The following RBFOX3 variants were observed in gnomAD, a reference collection of about 807,000 sequenced individuals.
RBFOX3 encodes RNA binding fox-1 homolog 3.
Under a neutral mutation model 48.7 loss-of-function variants are expected in RBFOX3, and 17 were observed. That is an observed-to-expected ratio of 0.35 (90% CI 0.24 to 0.52). The LOEUF is 0.52. RBFOX3 is among the 20% of genes least tolerant of loss of function. The probability of loss-of-function intolerance (pLI) is 0.94; values close to 1 mark genes in which losing one functional copy is unlikely to be tolerated. For missense variants in RBFOX3, 382 were observed against 497.5 expected (o/e 0.77, Z 2.21); for synonymous variants, 212 against 209.5 (o/e 1.01, Z -0.10).
intron 3 of RBFOX3, among the ~76,000 whole-genome samples, chr17:79,250,898 G>A (rs557591275): frequency 8.1e-5 from 12 of 147,384 alleles, no homozygotes; most frequent in South Asian, 2.2e-4. Flanking sequence ...TCCACCTCCC[G>A]GGTTCTCCCA....
At chr17:79,448,505 T>C (rs577930602) in intron 2 of RBFOX3, among the ~76,000 whole-genome samples, 3 of 152,228 alleles carry the variant, frequency 2.0e-5, no homozygotes, top group Admixed American at 2.0e-4. Context: ...AGGCAGGGAC[T>C]GCAGCAATGC....
At chr17:79,555,587 TGAC>T (rs1291811721) in intron 1 of RBFOX3, among the ~76,000 whole-genome samples, 3 of 151,872 alleles carry the variant, frequency 2.0e-5, no homozygotes, top group Non-Finnish European at 4.4e-5. Flanking sequence ...ATGATGATGA[TGAC>T]AATGATAATG....
intron 1 of RBFOX3, among the ~76,000 whole-genome samples, chr17:79,501,994 C>T (rs2082439236): frequency 6.6e-6 from 1 of 152,164 alleles, no homozygotes; most frequent in Non-Finnish European, 1.5e-5. Flanking sequence ...AGCACCCGGC[C>T]AGGGTGAAGT....
At chr17:79,465,143 C>A (rs1417273735) in intron 2 of RBFOX3, among the ~76,000 whole-genome samples, 2 of 152,200 alleles carry the variant, frequency 1.3e-5, no homozygotes, top group African/African-American at 2.4e-5. Flanking sequence ...GGCCCTCAGA[C>A]CCTCGAGCCG....
At chr17:79,655,241 G>A in the RBFOX3 span, among the ~76,000 whole-genome samples, 1 of 152,126 alleles carries the variant, frequency 6.6e-6, no homozygotes, top group African/African-American at 2.4e-5. Flanking sequence ...GTCCGCAGGG[G>A]GAAAAAGCGG....
chr17:79,423,193 C>T lies in RBFOX3; in HGVS notation c.-175+59261G>A, dbSNP rs1314252266. 3.3e-5 allele frequency among the ~76,000 whole-genome samples: 5 copies of T among 152,202 alleles called. No homozygotes were observed. The highest frequency in any genetic ancestry group is 7.3e-5 in the Non-Finnish European group (5 of 68,038). On this transcript the variant is annotated intron_variant, in intron 2 of 14. Transcript: ENST00000693108. The surrounding 1 kb of genome is among the most constrained non-coding windows in gnomAD (Gnocchi z 4.9). ...GTGTCTTGGCGTCACATGTCCAAAA[C>T]CAAACTCCTCACGTCCTGCGGTCTC...
At chr17:79,386,365 G>A (rs76749634) in intron 2 of RBFOX3, among the ~76,000 whole-genome samples, 4,110 of 150,906 alleles carry the variant, frequency 0.027, 86 homozygotes, top group East Asian at 0.085. Context: ...ACGATTTCCC[G>A]TTATAGGTGA....
intron 1 of RBFOX3, among the ~76,000 whole-genome samples, chr17:79,522,857 G>C (rs2086291285): frequency 6.7e-6 from 1 of 149,792 alleles, no homozygotes; most frequent in Non-Finnish European, 1.5e-5. Context: ...TTGAACCTGG[G>C]AGGTGGAGGC....
intron 3 of RBFOX3, among the ~76,000 whole-genome samples, chr17:79,244,850 C>T (rs186767089): frequency 9.7e-4 from 141 of 146,114 alleles, no homozygotes; most frequent in Non-Finnish European, 6.7e-4. Context: ...TTCTTTCATT[C>T]TCCTTCCTTT....
At chr17:79,216,218 C>G (rs1172890531) in intron 4 of RBFOX3, among the ~76,000 whole-genome samples, 3 of 152,240 alleles carry the variant, frequency 2.0e-5, no homozygotes, top group Non-Finnish European at 4.4e-5. Flanking sequence ...CTGTTTGCCT[C>G]CCAGGCGTAG....
At chr17:79,217,907 G>A (rs912301052) in intron 4 of RBFOX3, among the ~76,000 whole-genome samples, 4 of 152,128 alleles carry the variant, frequency 2.6e-5, no homozygotes, top group Non-Finnish European at 5.9e-5. Context: ...TGCGGGGTGA[G>A]GTGGAGCTGA....
chr17:79,520,905 G>A (rs1220156879), intron 1 of RBFOX3, among the ~76,000 whole-genome samples: 3 of 152,218 alleles, frequency 2.0e-5, no homozygotes, highest in Admixed American at 6.5e-5. Context: ...ACGAATTATA[G>A]TCCTCAGAGC....
intron 3 of RBFOX3, among the ~76,000 whole-genome samples, chr17:79,250,038 C>T (rs895285280): frequency 6.6e-5 from 10 of 152,168 alleles, no homozygotes; most frequent in African/African-American, 9.7e-5. Context: ...TTCCTTAGCG[C>T]TTGGTGCAGC....
chr17:79,651,016 C>T, the RBFOX3 span, among the ~76,000 whole-genome samples: 2 of 152,232 alleles, frequency 1.3e-5, no homozygotes, highest in Admixed American at 1.3e-4. Flanking sequence ...TCCGCCAGCG[C>T]CATCCAGGCA....
rs149729456 is a variant in RBFOX3, at chr17:79,355,449, C to T, written c.-174-47625G>A. ...TGTACCCAAGCCAAGTGGCCCCGGG[C>T]GATGGTGGCAGAGGCAGCTCCCCTC... On this transcript the variant is annotated intron_variant, in intron 2 of 14. Transcript: ENST00000693108. Among the ~76,000 whole-genome samples, 62 of 152,312 alleles carry T rather than the reference C, an allele frequency of 4.1e-4. 1 individual carries two copies. In the East Asian group the frequency reaches 9.6e-3, roughly 24 times the overall value.
At chr17:79,347,879 A>G (rs756046211) in intron 2 of RBFOX3, among the ~76,000 whole-genome samples, 16 of 152,156 alleles carry the variant, frequency 1.1e-4, no homozygotes, top group Non-Finnish European at 2.1e-4. Flanking sequence ...TGCTTCTCGA[A>G]TACCTTGTTA....
intron 4 of RBFOX3, among the ~76,000 whole-genome samples, chr17:79,161,308 G>A (rs1397484852): frequency 6.6e-6 from 1 of 152,192 alleles, no homozygotes; most frequent in Non-Finnish European, 1.5e-5. Flanking sequence ...TTGGAGAAGG[G>A]ATGCTGAGAG....
intron 4 of RBFOX3, among the ~76,000 whole-genome samples, chr17:79,147,338 C>G (rs2043242456): frequency 6.6e-6 from 1 of 152,238 alleles, no homozygotes; most frequent in South Asian, 2.1e-4. Flanking sequence ...TTTACAGAAG[C>G]AGAAACCCAG....
chr17:79,330,278 T>G (rs1476002492), intron 2 of RBFOX3, among the ~76,000 whole-genome samples: 2 of 152,082 alleles, frequency 1.3e-5, no homozygotes, highest in African/African-American at 2.4e-5. Flanking sequence ...GAGGTGAAAT[T>G]GAAGGGTTTG....
Sources: allele counts gnomAD v4.1 joint callset (sites outside exome capture counted in the v4.1 genomes callset), GRCh38; gene constraint gnomAD v4.1.1; non-coding constraint Gnocchi (gnomAD v3.1); transcripts MANE v1.5; gene names NCBI Gene and HGNC (gene_info 2026-07-23, HGNC 2026-07-21).